SLC10A6: variants seen among roughly 807,000 people sequenced by gnomAD.
The protein encoded by SLC10A6 is sodium-dependent organic anion transporter.
SLC10A6 carries 27 observed loss-of-function variants against 30.0 expected under a neutral mutation model. That is an observed-to-expected ratio of 0.90 (90% CI 0.66 to 1.24). The LOEUF is 1.24. Among genes scored for constraint, SLC10A6 ranks in the 50% most tolerant of loss-of-function variants. The pLI is 0.00. For missense variants in SLC10A6, 439 were observed against 457.0 expected, an observed-to-expected ratio of 0.96 and a Z score of 0.36; for synonymous variants, 166 against 173.8, an observed-to-expected ratio of 0.95 and a Z score of 0.36.
At chr4:86,845,832 C>T (rs1221086203) in intron 1 of SLC10A6, among the ~76,000 whole-genome samples, 1 of 152,122 alleles carries the variant, frequency 6.6e-6, no homozygotes, top group Non-Finnish European at 1.5e-5. Context: ...CAAGCCCAGG[C>T]AACTGCAAGA....
At chr4:86,827,143 T>C (rs1451663695) in intron 4 of SLC10A6, among the ~76,000 whole-genome samples, 11 of 152,188 alleles carry the variant, frequency 7.2e-5, no homozygotes, top group Admixed American at 7.2e-4. Flanking sequence ...CTATCAGGTA[T>C]GAAAAAGATG....
intron 1 of SLC10A6, among the ~76,000 whole-genome samples, chr4:86,835,223 A>G (rs1746160008): frequency 6.6e-6 from 1 of 152,260 alleles, no homozygotes; most frequent in Non-Finnish European, 1.5e-5. Context: ...TGGATAGGGC[A>G]GTGACCCCCA....
chr4:86,840,269 T>C (rs1746269268), intron 1 of SLC10A6, among the ~76,000 whole-genome samples: 1 of 152,106 alleles, frequency 6.6e-6, no homozygotes, highest in South Asian at 2.1e-4. Context: ...AAGTGGCTTC[T>C]TCTGTGTCCT....
intron 5 of SLC10A6, among the ~76,000 whole-genome samples, chr4:86,824,992 C>A (rs1745955096): frequency 6.6e-6 from 1 of 152,160 alleles, no homozygotes; most frequent in Non-Finnish European, 1.5e-5. Context: ...CACAGCCATT[C>A]AGCACAAGTC....
At chr4:86,847,521 T>C (rs1279523007) in intron 1 of SLC10A6, among the ~76,000 whole-genome samples, 1 of 152,230 alleles carries the variant, frequency 6.6e-6, no homozygotes, top group African/African-American at 2.4e-5. Context: ...TGAGTGGCTT[T>C]TACCATTAAG....
Position 86,844,313 on chromosome 4 carries a change from C to T in SLC10A6, c.377+4426G>A, listed in dbSNP as rs1203107336. Among the ~76,000 whole-genome samples, 5 of 152,188 alleles carry T rather than the reference C, an allele frequency of 3.3e-5. No individual in the cohort carries two copies. The East Asian group carries it at 5.8e-4, about 18-fold the overall frequency. On this transcript the variant is annotated intron_variant, in intron 1 of 5. Transcript: ENST00000273905. ...TTTCCAGAGCCCTTAACTACTACAC[C>T]GTACTGCCAGATCTTAATTTTCATG...
intron 4 of SLC10A6, 123 bp downstream of exon 4, chr4:86,827,870 C>G: frequency 1.3e-6 from 1 of 768,408 alleles, no homozygotes; most frequent in Non-Finnish European, 2.0e-6. Context: ...GCTTAGTTAT[C>G]CTGTCGATTC....
At chr4:86,837,328 A>AG (rs1259477322) in intron 1 of SLC10A6, among the ~76,000 whole-genome samples, 5 of 150,200 alleles carry the variant, frequency 3.3e-5, no homozygotes, top group East Asian at 2.0e-4. Context: ...GAAGGAAGGA[A>AG]GGAAGGAAGG....
At chr4:86,837,339 A>AGGCAGGC (rs1560460513) in intron 1 of SLC10A6, among the ~76,000 whole-genome samples, 38 of 103,060 alleles carry the variant, frequency 3.7e-4, no homozygotes, top group African/African-American at 2.1e-3. Flanking sequence ...GGAAGGAAGG[A>AGGCAGGC]AGGAAGGCAG....
chr4:86,827,107 A>C (rs1314742830), intron 4 of SLC10A6, among the ~76,000 whole-genome samples: 1 of 152,224 alleles, frequency 6.6e-6, no homozygotes, highest in Non-Finnish European at 1.5e-5. Context: ...TTCATGAGCC[A>C]AATCTCAGTC....
chr4:86,846,661 G>T (rs1021507411), intron 1 of SLC10A6, among the ~76,000 whole-genome samples: 10 of 152,206 alleles, frequency 6.6e-5, no homozygotes, highest in African/African-American at 1.7e-4. Flanking sequence ...AGGAGGTGGA[G>T]GTTGCAGCGA....
At chr4:86,847,873 CAAGT>C (rs1746418916) in intron 1 of SLC10A6, among the ~76,000 whole-genome samples, 1 of 152,178 alleles carries the variant, frequency 6.6e-6, no homozygotes, top group Non-Finnish European at 1.5e-5. Context: ...GGCATGTTCA[CAAGT>C]AAGCAAAGAG....
At chr4:86,845,955 G>GA (rs1003449776) in intron 1 of SLC10A6, among the ~76,000 whole-genome samples, 13 of 152,366 alleles carry the variant, frequency 8.5e-5, no homozygotes, top group African/African-American at 3.1e-4. Context: ...TGCACTGCAT[G>GA]AAGCAGGAGT....
chr4:86,836,295 C>G (rs1049157710), intron 1 of SLC10A6, among the ~76,000 whole-genome samples: 1 of 152,130 alleles, frequency 6.6e-6, no homozygotes, highest in African/African-American at 2.4e-5. Flanking sequence ...GGGAAGAGTA[C>G]TTGGTTTGAA....
chr4:86,830,358 A>C (rs1391175502), intron 3 of SLC10A6, among the ~76,000 whole-genome samples: 7 of 152,322 alleles, frequency 4.6e-5, no homozygotes, highest in Admixed American at 4.6e-4. Flanking sequence ...TGATCGTGTC[A>C]TTGCACTCCA....
intron 1 of SLC10A6, among the ~76,000 whole-genome samples, chr4:86,842,882 T>TAGTGG (rs1746329380): frequency 1.0e-5 from 1 of 98,792 alleles, no homozygotes; most frequent in African/African-American, 3.8e-5. Context: ...TTCTTTTTTT[T>TAGTGG]TTTGAGATGG....
intron 1 of SLC10A6, among the ~76,000 whole-genome samples, chr4:86,842,824 T>TTTGAGA (rs1560461834): frequency 2.5e-5 from 1 of 39,342 alleles, no homozygotes; most frequent in African/African-American, 2.3e-4. Context: ...CTTTCTTTCT[T>TTTGAGA]TCTTTCTTTC....
At chr4:86,842,874 CTTTT>C (rs1170640534) in intron 1 of SLC10A6, among the ~76,000 whole-genome samples, 541 of 42,632 alleles carry the variant, frequency 0.013, 3 homozygotes, top group South Asian at 0.027. Flanking sequence ...TTCTTTCTTT[CTTTT>C]TTTTTTTGAG....
At chr4:86,830,210 A>C (rs1746055846) in intron 3 of SLC10A6, among the ~76,000 whole-genome samples, 1 of 152,210 alleles carries the variant, frequency 6.6e-6, no homozygotes, top group South Asian at 2.1e-4. Flanking sequence ...AGCCTGGGTA[A>C]CATAGCAAGA....
Sources: allele counts gnomAD v4.1 joint callset (sites outside exome capture counted in the v4.1 genomes callset), GRCh38; gene constraint gnomAD v4.1.1; transcripts MANE v1.5; gene names NCBI Gene and HGNC (gene_info 2026-07-23, HGNC 2026-07-21).